CNTNAP5: variants seen among roughly 807,000 people sequenced by gnomAD.
The protein encoded by CNTNAP5 is contactin-associated protein-like 5.
Under a neutral mutation model 150.2 loss-of-function variants are expected in CNTNAP5, and 72 were observed. That is an observed-to-expected ratio of 0.48 (90% CI 0.40 to 0.58). The LOEUF is 0.58. Among genes scored for constraint, CNTNAP5 ranks in the 20% least tolerant of loss-of-function variants. CNTNAP5 has a pLI of 0.00. For synonymous variants in CNTNAP5, 672 were observed against 619.8 expected, an observed-to-expected ratio of 1.08 and a Z score of -1.25; for missense variants, 1,636 against 1,626.2, an observed-to-expected ratio of 1.01 and a Z score of -0.10.
intron 21 of CNTNAP5, among the ~76,000 whole-genome samples, chr2:124,886,986 T>C (rs942889456): frequency 6.6e-6 from 1 of 152,096 alleles, no homozygotes; most frequent in African/African-American, 2.4e-5. Context: ...TCCTGGATAC[T>C]CTTAATCTTT....
chr2:124,307,336 A>G (rs2104653017), intron 3 of CNTNAP5, among the ~76,000 whole-genome samples: 1 of 152,160 alleles, frequency 6.6e-6, no homozygotes, highest in Admixed American at 6.5e-5. Flanking sequence ...ACCTAATCTG[A>G]TCCTAATTAG....
intron 1 of CNTNAP5, among the ~76,000 whole-genome samples, chr2:124,169,156 C>T (rs1041184226): frequency 6.6e-6 from 1 of 152,218 alleles, no homozygotes; most frequent in Admixed American, 6.5e-5. Flanking sequence ...CTTCACAGCC[C>T]TCATGCATAC....
intron 4 of CNTNAP5, among the ~76,000 whole-genome samples, chr2:124,431,508 G>GAT (rs201654852): frequency 0.27 from 30,875 of 113,534 alleles, 5,058 homozygotes; most frequent in African/African-American, 0.3. Flanking sequence ...AAGTGTCAAA[G>GAT]ATATATATAT....
chr2:124,405,845 C>G (rs1376867008), intron 3 of CNTNAP5, among the ~76,000 whole-genome samples: 1 of 152,126 alleles, frequency 6.6e-6, no homozygotes, highest in African/African-American at 2.4e-5. Context: ...CACTTTGTTA[C>G]TTTTTATTGT....
chr2:124,376,717 A>G (rs1051407228), intron 3 of CNTNAP5, among the ~76,000 whole-genome samples: 3 of 152,084 alleles, frequency 2.0e-5, no homozygotes, highest in Admixed American at 6.6e-5. Flanking sequence ...ATGTCATTCC[A>G]TGCTAATATC....
At chr2:124,522,902 A>G (rs929869203) in intron 8 of CNTNAP5, among the ~76,000 whole-genome samples, 3 of 152,204 alleles carry the variant, frequency 2.0e-5, no homozygotes, top group Admixed American at 2.0e-4. Context: ...GGATCCTCAC[A>G]TGGAGTTAGT....
intron 7 of CNTNAP5, among the ~76,000 whole-genome samples, chr2:124,478,260 A>T (rs1693689204): frequency 1.3e-5 from 2 of 152,128 alleles, no homozygotes; most frequent in South Asian, 4.1e-4. Context: ...CTACTATAGC[A>T]CTTATCAAGT....
At chr2:124,649,139 C>T (rs1338370397) in intron 13 of CNTNAP5, among the ~76,000 whole-genome samples, 4 of 152,122 alleles carry the variant, frequency 2.6e-5, no homozygotes, top group Admixed American at 2.6e-4. Context: ...GCCTTCTTAA[C>T]CAGAGAATTC....
At chr2:124,795,032 G>A (rs916037786) in intron 18 of CNTNAP5, among the ~76,000 whole-genome samples, 1 of 151,954 alleles carries the variant, frequency 6.6e-6, no homozygotes, top group Non-Finnish European at 1.5e-5. Context: ...ATAATTTCTA[G>A]ACTATTCATT....
At chr2:124,392,309 A>T (rs1691135093) in intron 3 of CNTNAP5, among the ~76,000 whole-genome samples, 1 of 152,204 alleles carries the variant, frequency 6.6e-6, no homozygotes, top group South Asian at 2.1e-4. Context: ...ACAACTGCCC[A>T]TGATGATGGA....
At chr2:124,425,623 T>A (rs1181852453) in intron 4 of CNTNAP5, among the ~76,000 whole-genome samples, 1 of 149,678 alleles carries the variant, frequency 6.7e-6, no homozygotes. Flanking sequence ...ATGTCCCAGC[T>A]TGCTCCTTAG....
At chr2:124,226,562 T>C (rs1573850568) in intron 2 of CNTNAP5, among the ~76,000 whole-genome samples, 1 of 152,156 alleles carries the variant, frequency 6.6e-6, no homozygotes, top group African/African-American at 2.4e-5. Flanking sequence ...TGCCTTTTAA[T>C]TTTTTTAATT....
chr2:124,544,848 T>C (rs137947342), intron 10 of CNTNAP5, among the ~76,000 whole-genome samples: 1 of 152,170 alleles, frequency 6.6e-6, no homozygotes, highest in African/African-American at 2.4e-5. Context: ...GTGTGGTAGA[T>C]TTAATGTCAG....
At chr2:124,247,342 T>A (rs922600719) in intron 3 of CNTNAP5, among the ~76,000 whole-genome samples, 2 of 150,718 alleles carry the variant, frequency 1.3e-5, no homozygotes, top group African/African-American at 4.8e-5. Context: ...GCTTAAGCAA[T>A]GGTTTTTCCC....
chr2:124,307,069 TGAA>T (rs377443253), intron 3 of CNTNAP5, among the ~76,000 whole-genome samples: 81 of 152,182 alleles, frequency 5.3e-4, no homozygotes, highest in African/African-American at 1.8e-3. Flanking sequence ...GAGGCAGGGA[TGAA>T]GAAGATTATC....
chr2:124,649,958 T>G (rs375827151), intron 13 of CNTNAP5, among the ~76,000 whole-genome samples: 5 of 152,170 alleles, frequency 3.3e-5, no homozygotes, highest in African/African-American at 1.2e-4. Flanking sequence ...GTAAATAGAA[T>G]AATTGTCATA....
rs1475052830 is a variant in CNTNAP5 at position 124,914,016 on chromosome 2, T to C, written c.3728-76T>C. On this transcript the variant is annotated intron_variant, in intron 23 of 23. Coordinates refer to ENST00000682447, the MANE Select transcript of CNTNAP5 (RefSeq NM_001367498.1). ...CTTTCTCTCCTACGCATTCCCCTCATCTGGAGGGAATCCACTCTCCTGAGC... is the reference window on the plus strand; with the variant it reads ...CTTTCTCTCCTACGCATTCCCCTCACCTGGAGGGAATCCACTCTCCTGAGC... 3 of 1,061,402 alleles carry C rather than the reference T, an allele frequency of 2.8e-6. No homozygotes were observed. The African/African-American group carries it at 4.8e-5, about 17-fold the overall frequency. 65.7% of individuals were successfully genotyped at this position (1,061,402 alleles called of 1,614,324 possible).
intron 1 of CNTNAP5, among the ~76,000 whole-genome samples, chr2:124,048,948 T>C (rs991808438): frequency 2.6e-5 from 4 of 152,238 alleles, no homozygotes; most frequent in African/African-American, 7.2e-5. Flanking sequence ...AATGCAAGTT[T>C]GTTTTTCTTT....
At position 124,764,148 on chromosome 2, in the gene CNTNAP5, G is replaced by GT. The variant is rs1473963018; in HGVS notation, c.2533+2dup. 1 of 1,609,242 alleles carries GT rather than the reference G, an allele frequency of 6.2e-7. No homozygotes were observed. The highest frequency in any genetic ancestry group is 8.5e-7 in the Non-Finnish European group (1 of 1,176,426). On this transcript the variant is annotated splice_donor_variant, in intron 16 of 23. Transcript: ENST00000682447. LOFTEE classifies it high-confidence loss of function. The stretch of plus-strand genomic sequence containing the variant: ...GACTTCATTCGACTCGAAATAAGCT[G>GT]TAAGTGCCCTCAATTATGAATTTAA...
Sources: gnomAD v4.1 joint callset for allele counts (sites outside exome capture counted in the v4.1 genomes callset) on GRCh38, gnomAD v4.1.1 for gene constraint, MANE v1.5 for transcripts, NCBI Gene and HGNC (gene_info 2026-07-23, HGNC 2026-07-21) for gene names.